SCUBE1: variants seen among roughly 807,000 people sequenced by gnomAD.
SCUBE1 encodes signal peptide, CUB domain and EGF like domain containing 1.
A neutral mutation model predicts 124.4 loss-of-function variants in SCUBE1; 59 were observed. The observed-to-expected ratio is 0.47, with a 90% CI of 0.38 to 0.59. The LOEUF is 0.59. Among genes scored for constraint, SCUBE1 ranks in the 20% least tolerant of loss-of-function variants. SCUBE1 has a pLI of 0.00. For synonymous variants in SCUBE1, 545 were observed against 550.9 expected, an observed-to-expected ratio of 0.99 and a Z score of 0.15; for missense variants, 1,150 against 1,371.2, an observed-to-expected ratio of 0.84 and a Z score of 2.55.
chr22:43,301,115 T>C (rs182557006), intron 3 of SCUBE1, among the ~76,000 whole-genome samples: 1 of 152,284 alleles, frequency 6.6e-6, no homozygotes, highest in African/African-American at 2.4e-5. Context: ...TCTCCCCACA[T>C]TGAAGCCCTT....
chr22:43,257,344 C>G (rs1315017180), intron 6 of SCUBE1, among the ~76,000 whole-genome samples: 3 of 152,220 alleles, frequency 2.0e-5, no homozygotes, highest in African/African-American at 7.2e-5. Flanking sequence ...TGTTGGGTTT[C>G]TAAAGTTTGC....
chr22:43,329,236 C>T (rs1345689870), intron 2 of SCUBE1, among the ~76,000 whole-genome samples: 1 of 152,234 alleles, frequency 6.6e-6, no homozygotes, highest in African/African-American at 2.4e-5. Context: ...TACAGACTGG[C>T]CAGGACCAGG....
chr22:43,209,407 G>A (rs1921441903), intron 19 of SCUBE1, among the ~76,000 whole-genome samples: 1 of 152,246 alleles, frequency 6.6e-6, no homozygotes, highest in Non-Finnish European at 1.5e-5. Context: ...GTGCTCGGGT[G>A]GCTCAGGGGC....
At chr22:43,262,184 T>G (rs1235023208) in intron 5 of SCUBE1, among the ~76,000 whole-genome samples, 4 of 152,192 alleles carry the variant, frequency 2.6e-5, no homozygotes, top group Admixed American at 2.6e-4. Context: ...ATTTTAGAGA[T>G]GGGGTCTTGC....
chr22:43,332,180 T>G (rs985093886), intron 2 of SCUBE1, among the ~76,000 whole-genome samples: 2 of 151,956 alleles, frequency 1.3e-5, no homozygotes, highest in African/African-American at 4.8e-5. Flanking sequence ...CCCAGGTACT[T>G]GGGAGGCTGA....
At chr22:43,206,154 AC>A (rs143690304) in intron 21 of SCUBE1, among the ~76,000 whole-genome samples, 60 of 45,404 alleles carry the variant, frequency 1.3e-3, no homozygotes, top group Non-Finnish European at 1.9e-3. Context: ...TTCACCACAC[AC>A]CCCCCCAAAC....
intron 1 of SCUBE1, among the ~76,000 whole-genome samples, chr22:43,341,805 A>G (rs1025128952): frequency 1.3e-5 from 2 of 152,144 alleles, no homozygotes; most frequent in Non-Finnish European, 2.9e-5. Context: ...TGCTGGGGAC[A>G]TGCTGCTGGG....
chr22:43,308,716 G>A (rs572725857), intron 3 of SCUBE1, among the ~76,000 whole-genome samples: 1 of 152,178 alleles, frequency 6.6e-6, no homozygotes, highest in African/African-American at 2.4e-5. Context: ...CTCCCCCAGG[G>A]TGCAGCTGGG....
intron 6 of SCUBE1, among the ~76,000 whole-genome samples, chr22:43,244,287 G>A (rs779131516): frequency 2.6e-5 from 4 of 152,128 alleles, no homozygotes; most frequent in Admixed American, 6.5e-5. Flanking sequence ...AAGCTGTCCC[G>A]AGCCTTACCC....
intron 5 of SCUBE1, among the ~76,000 whole-genome samples, 167 bp downstream of exon 5, chr22:43,262,553 T>C (rs1923910243): frequency 6.6e-6 from 1 of 152,194 alleles, no homozygotes; most frequent in Admixed American, 6.5e-5. Flanking sequence ...TTTACAACCC[T>C]TGTCCCTTAT....
chr22:43,238,920 C>G lies in SCUBE1; in HGVS notation c.762G>C (p.Arg254=), dbSNP rs767723491. ...TCAVNNGGCD[R]TCKDTATGVR... ...CGCCAGTGGCTGTGTCCTTGCATGT[C>G]CGGTCGCAGCCTCCGTTATTGACTG... The change falls in exon 7 of 22, where the codon CGG becomes CGC. Residue 254 remains arginine, a synonymous_variant. Coordinates refer to ENST00000360835, the MANE Select transcript of SCUBE1 (RefSeq NM_173050.5). The G allele has an allele frequency of 6.8e-6, 11 of 1,612,958 alleles. No individual in the cohort carries two copies. Among genetic ancestry groups the G allele is most frequent in the Non-Finnish European group, 9.3e-6 (11 of 1,179,992 alleles).
At chr22:43,327,502 T>C (rs114250988) in intron 2 of SCUBE1, among the ~76,000 whole-genome samples, 1,662 of 152,266 alleles carry the variant, frequency 0.011, 22 homozygotes, top group African/African-American at 0.038. Flanking sequence ...GATTCTAACA[T>C]TGGACTCGGC....
chr22:43,277,683 T>A (rs1924587439), intron 4 of SCUBE1, among the ~76,000 whole-genome samples: 1 of 152,264 alleles, frequency 6.6e-6, no homozygotes, highest in South Asian at 2.1e-4. Flanking sequence ...CACAGACTGT[T>A]CTCAGGATCT....
At chr22:43,253,394 G>A (rs1923533674) in intron 6 of SCUBE1, among the ~76,000 whole-genome samples, 1 of 152,158 alleles carries the variant, frequency 6.6e-6, no homozygotes, top group African/African-American at 2.4e-5. Flanking sequence ...GTGAGGCCTT[G>A]GCTATTGGCT....
chr22:43,329,445 C>T (rs968648708), intron 2 of SCUBE1, among the ~76,000 whole-genome samples: 7 of 152,248 alleles, frequency 4.6e-5, no homozygotes, highest in Non-Finnish European at 7.3e-5. Context: ...ATGCAAAGGC[C>T]GGAGAGGCCC....
intron 6 of SCUBE1, 53 bp from the exon 7 acceptor site, chr22:43,239,007 C>T: frequency 1.4e-6 from 2 of 1,423,298 alleles, no homozygotes; most frequent in South Asian, 2.3e-5. Flanking sequence ...AAGCCACTGG[C>T]TTTCCCCTTC....
chr22:43,222,254 G>A (rs944033442), intron 12 of SCUBE1, among the ~76,000 whole-genome samples: 2 of 152,176 alleles, frequency 1.3e-5, no homozygotes, highest in Non-Finnish European at 2.9e-5. Context: ...GCTGCACCTC[G>A]GCGCTTCTTG....
chr22:43,208,210 TG>T lies in SCUBE1; in HGVS notation c.2595del (p.Ile866SerfsTer53). 6.2e-7 allele frequency: 1 copy of T among 1,614,058 alleles called. No individual in the cohort carries two copies. The highest frequency in any genetic ancestry group is 8.5e-7 in the Non-Finnish European group (1 of 1,179,990). On this transcript the variant is annotated frameshift_variant, in exon 20 of 22. Transcript: ENST00000360835. LOFTEE classifies it high-confidence loss of function. Reference sequence around the variant, plus strand: ...GTCTGGCAGGTCTCATAGGTGGTGATGGACGTGGGAGAGGCTGCGGGTGAAG... The same window carrying T: ...GTCTGGCAGGTCTCATAGGTGGTGATGACGTGGGAGAGGCTGCGGGTGAAG... ...LVMRKSASPT[S>X]ITTYETCQTY...
At chr22:43,219,580 T>G (rs1921995184) in intron 14 of SCUBE1, among the ~76,000 whole-genome samples, 1 of 151,948 alleles carries the variant, frequency 6.6e-6, no homozygotes, top group Admixed American at 6.6e-5. Context: ...TTCAAGCGAT[T>G]CTCCTGCCTC....
Sources: gnomAD v4.1 joint callset for allele counts (sites outside exome capture counted in the v4.1 genomes callset) on GRCh38, gnomAD v4.1.1 for gene constraint, MANE v1.5 for transcripts, NCBI Gene and HGNC (gene_info 2026-07-23, HGNC 2026-07-21) for gene names.